Variants in FGF22 observed in about 807,000 individuals in gnomAD.
FGF22 encodes fibroblast growth factor 22.
Under a neutral mutation model 10.3 loss-of-function variants are expected in FGF22, and 11 were observed. The observed-to-expected ratio is 1.07, with a 90% CI of 0.67 to 1.77. FGF22 has a LOEUF of 1.77. Ranked by LOEUF, FGF22 falls within the 40% of genes most tolerant of loss-of-function variation. The pLI, the probability that FGF22 is intolerant of heterozygous loss-of-function variation, is 0.00. For synonymous variants in FGF22, 136 were observed against 122.1 expected, an observed-to-expected ratio of 1.11 and a Z score of -0.75; for missense variants, 317 against 273.2, an observed-to-expected ratio of 1.16 and a Z score of -1.13.
At position 640,158 on chromosome 19, in the gene FGF22, G is replaced by A. The variant is rs1178310097; in HGVS notation, c.214+19G>A. ...CAGGACAGTGAGTGCGGGGCGGCGG[G>A]GGCCTGGGGTGGGGAGGCGGCGGGT... On this transcript the variant is annotated intron_variant, in intron 1 of 2. Transcript: ENST00000215530. 2.3e-6 allele frequency: 3 copies of A among 1,281,394 alleles called. No individual in the cohort carries two copies. The East Asian group carries it at 9.5e-5, about 40-fold the overall frequency. 79.4% of individuals were successfully genotyped at this position (1,281,394 alleles called of 1,614,324 possible).
chr19:640,241 G>C lies in FGF22; in HGVS notation c.214+102G>C, dbSNP rs888331257. On this transcript the variant is annotated intron_variant, in intron 1 of 2. Coordinates refer to ENST00000215530, the Ensembl canonical transcript of FGF22. ...CTGCGCCCGCGGGGGAGTCCCGGAG[G>C]CTCCTCTGTGCAGCCTCGGCCTCAG... 8 of 739,800 alleles carry C rather than the reference G, an allele frequency of 1.1e-5. No individual in the cohort carries two copies. The Admixed American group carries it at 1.3e-4, about 12-fold the overall frequency. The allele number at this position is 739,800 out of a possible 1,614,324, so 45.8% of individuals were successfully genotyped here.
chr19:640,007 C>G, exon 1 of FGF22: 1 of 1,325,078 alleles, frequency 7.5e-7, no homozygotes, highest in East Asian at 3.1e-5. Context: ...GAGCGCGTCG[C>G]GGGGACCGCG....
At chr19:643,836 G>C (rs967695471) in exon 3 of FGF22, 13 of 540,566 alleles carry the variant, frequency 2.4e-5, no homozygotes, top group Non-Finnish European at 3.9e-5. Context: ...CGCCTCTCGG[G>C]CTGAAGGACG....
At chr19:642,766 T>C (rs994155433) in intron 1 of FGF22, among the ~76,000 whole-genome samples, 27 of 151,782 alleles carry the variant, frequency 1.8e-4, no homozygotes, top group African/African-American at 5.8e-4. Context: ...CAGTTATCAG[T>C]GGTCTGGGTG....
chr19:644,045 CA>C (rs1398309488), exon 3 of FGF22: 1 of 193,044 alleles, frequency 5.2e-6, no homozygotes. Flanking sequence ...CTTGCGAGGA[CA>C]AAGGCACCTG....
intron 1 of FGF22, among the ~76,000 whole-genome samples, chr19:641,882 G>A (rs909249807): frequency 2.0e-5 from 3 of 152,148 alleles, no homozygotes; most frequent in Non-Finnish European, 4.4e-5. Flanking sequence ...CGGGGTGAGC[G>A]AGTGTGGGTG....
At chr19:640,872 T>C (rs1316837927) in intron 1 of FGF22, 1 of 257,242 alleles carries the variant, frequency 3.9e-6, no homozygotes, top group African/African-American at 2.2e-5. Flanking sequence ...TCAGGGCAGG[T>C]AATCACCCCC....
exon 3 of FGF22, chr19:643,650 G>C (rs763858090): frequency 2.1e-6 from 3 of 1,409,382 alleles, no homozygotes; most frequent in Non-Finnish European, 2.8e-6. Flanking sequence ...GGCTGGTGGC[G>C]AGGGGCCCGG....
At position 640,068 on chromosome 19, in the gene FGF22, C is replaced by T. The variant is rs150190794; in HGVS notation, c.143C>T (p.Ser48Phe). ...GTGCGCTGGCGGCGCCTCTTCTCCT[C>T]CACTCACTTCTTCCTGCGCGTGGAT... is the stretch of plus-strand genomic sequence containing the variant. Residue 48 changes from serine (S) to phenylalanine (F), a missense_variant, in exon 1 of 3, where the codon TCC becomes TTC. Coordinates refer to ENST00000215530, the Ensembl canonical transcript of FGF22. The T allele has an allele frequency of 8.3e-3, 11,828 of 1,421,980 alleles. 211 individuals carry two copies. Among genetic ancestry groups the T allele is most frequent in the African/African-American group, 0.068 (4,588 of 67,408 alleles). 88.1% of individuals were successfully genotyped at this position (1,421,980 alleles called of 1,614,324 possible).
intron 1 of FGF22, chr19:640,938 C>T (rs948364868): frequency 1.2e-5 from 4 of 335,844 alleles, no homozygotes; most frequent in East Asian, 7.6e-5. Context: ...CCGCACGTGA[C>T]GAGGGCGGAC....
At chr19:640,565 T>C in intron 1 of FGF22, 1 of 158,094 alleles carries the variant, frequency 6.3e-6, no homozygotes, top group Non-Finnish European at 1.4e-5. Flanking sequence ...ATCTGGCAGG[T>C]GAGGACAAGG....
intron 1 of FGF22, chr19:641,575 A>G (rs1372328893): frequency 2.8e-5 from 1 of 35,922 alleles, no homozygotes; most frequent in Non-Finnish European, 7.3e-5. Flanking sequence ...ACTCCGTCTC[A>G]AAAAAAAAAA....
intron 1 of FGF22, 31 bp from the exon 2 acceptor site, chr19:643,204 C>A: frequency 8.3e-7 from 1 of 1,204,792 alleles, no homozygotes; most frequent in Non-Finnish European, 1.1e-6. Context: ...GGTGAGCCAG[C>A]AAGGCCCTCC....
intron 1 of FGF22, chr19:641,235 C>G (rs1224340527): frequency 1.8e-5 from 8 of 456,278 alleles, no homozygotes; most frequent in African/African-American, 1.0e-4. Context: ...AGAGCAGAGG[C>G]GCGCAGCAGT....
At chr19:643,182 A>T in intron 1 of FGF22, 53 bp from the exon 2 acceptor site, 1 of 793,166 alleles carries the variant, frequency 1.3e-6, no homozygotes, top group Non-Finnish European at 1.6e-6. Context: ...AGCGGACAGC[A>T]GCGGTGCTGG....
chr19:641,305 A>G (rs757011408), intron 1 of FGF22: 16 of 453,808 alleles, frequency 3.5e-5, no homozygotes, highest in Admixed American at 7.1e-5. Context: ...GGCCGGGTGC[A>G]GTGGCTCACG....
At chr19:642,465 C>T (rs1400636009) in intron 1 of FGF22, among the ~76,000 whole-genome samples, 3 of 81,212 alleles carry the variant, frequency 3.7e-5, no homozygotes, top group African/African-American at 1.7e-4. Context: ...CTGTGAGGGC[C>T]GGGCTGGGGG....
intron 1 of FGF22, 136 bp downstream of exon 1, chr19:640,275 G>C (rs1985859202): frequency 5.8e-6 from 3 of 519,918 alleles, no homozygotes; most frequent in Non-Finnish European, 8.9e-6. Flanking sequence ...AGTTTCCGTG[G>C]TCTGTGAGAT....
intron 1 of FGF22, 42 bp from the exon 2 acceptor site, chr19:643,193 G>C: frequency 1.0e-6 from 1 of 981,624 alleles, no homozygotes; most frequent in Non-Finnish European, 1.3e-6. Flanking sequence ...GCGGTGCTGG[G>C]GGTGAGCCAG....
Sources: gnomAD v4.1 joint callset for allele counts (sites outside exome capture counted in the v4.1 genomes callset) on GRCh38, gnomAD v4.1.1 for gene constraint, MANE v1.5 for transcripts, NCBI Gene and HGNC (gene_info 2026-07-23, HGNC 2026-07-21) for gene names.